IPCEF1: variants seen among roughly 807,000 people sequenced by gnomAD.
IPCEF1 encodes the protein interactor protein for cytohesin exchange factors 1.
A neutral mutation model predicts 50.9 loss-of-function variants in IPCEF1; 31 were observed. That is an observed-to-expected ratio of 0.61 (90% CI 0.46 to 0.82). IPCEF1 has a LOEUF of 0.82. Ranked by LOEUF, IPCEF1 falls within the 40% of genes least tolerant of loss-of-function variation. IPCEF1 has a pLI of 0.00. For synonymous variants in IPCEF1, 181 were observed against 192.0 expected, an observed-to-expected ratio of 0.94 and a Z score of 0.47; for missense variants, 458 against 514.0, an observed-to-expected ratio of 0.89 and a Z score of 1.05.
At chr6:154,244,103 C>T (rs1276005410) in intron 5 of IPCEF1, among the ~76,000 whole-genome samples, 3 of 152,066 alleles carry the variant, frequency 2.0e-5, no homozygotes, top group South Asian at 2.1e-4. Flanking sequence ...GCTTTGAGAG[C>T]GACTTTGTTG....
At chr6:154,284,289 A>G (rs1314370894) in intron 2 of IPCEF1, among the ~76,000 whole-genome samples, 2 of 152,246 alleles carry the variant, frequency 1.3e-5, no homozygotes, top group Non-Finnish European at 2.9e-5. Context: ...GGTAGAACAG[A>G]AGGAATTGTA....
Position 154,157,917 on chromosome 6 carries a change from C to A in IPCEF1, c.*1911G>T, listed in dbSNP as rs532935622. ...CAATCTGAGGATCTGAATGTTCTCT[C>A]TGTCAGGTCACCACAGGTCAAACTC... On this transcript the variant is annotated 3_prime_UTR_variant, in exon 12 of 12. Transcript: ENST00000367220. 1 of 152,432 alleles carries A rather than the reference C, an allele frequency of 6.6e-6. No individual in the cohort carries two copies. The highest frequency in any genetic ancestry group is 1.5e-5 in the Non-Finnish European group (1 of 68,058). 9.4% of individuals were successfully genotyped at this position (152,432 alleles called of 1,614,324 possible).
intron 1 of IPCEF1, among the ~76,000 whole-genome samples, chr6:154,322,404 C>A (rs916940380): frequency 7.1e-6 from 1 of 140,446 alleles, no homozygotes; most frequent in African/African-American, 2.9e-5. Flanking sequence ...ACACACACAC[C>A]CCTATGTTTG....
chr6:154,293,055 T>C (rs1178312395), intron 1 of IPCEF1, among the ~76,000 whole-genome samples: 1 of 152,242 alleles, frequency 6.6e-6, no homozygotes, highest in Non-Finnish European at 1.5e-5. Flanking sequence ...GTTTTTCTTA[T>C]TTACTTTTTG....
At chr6:154,336,007 A>G (rs1447263083) in intron 1 of IPCEF1, among the ~76,000 whole-genome samples, 1 of 152,244 alleles carries the variant, frequency 6.6e-6, no homozygotes, top group Non-Finnish European at 1.5e-5. Context: ...TATTATTTAA[A>G]AAACAAAAGT....
At chr6:154,338,178 C>T (rs911168400) in intron 1 of IPCEF1, among the ~76,000 whole-genome samples, 4 of 152,226 alleles carry the variant, frequency 2.6e-5, no homozygotes, top group Admixed American at 2.0e-4. Flanking sequence ...CAGCCTGGGT[C>T]ATCACATGGG....
chr6:154,280,954 C>T (rs1190298973), intron 2 of IPCEF1, among the ~76,000 whole-genome samples: 4 of 152,074 alleles, frequency 2.6e-5, no homozygotes, highest in Non-Finnish European at 5.9e-5. Flanking sequence ...AATCCCAACA[C>T]TTTGGGAGGC....
rs545858754 is a variant in IPCEF1, at chr6:154,236,179, T to C, written c.246+10412A>G. 6.6e-5 allele frequency among the ~76,000 whole-genome samples: 10 copies of C among 152,266 alleles called. No individual in the cohort carries two copies. The South Asian group carries it at 8.3e-4, about 13-fold the overall frequency. On this transcript the variant is annotated intron_variant, in intron 5 of 11. Transcript: ENST00000367220. Reference sequence around the variant, plus strand: ...AACAAATATGAGTCAATAAACAAAATGTGGTACACACATCAAGGGGATAAG... The same window carrying C: ...AACAAATATGAGTCAATAAACAAAACGTGGTACACACATCAAGGGGATAAG...
chr6:154,236,442 C>A (rs965785755), intron 5 of IPCEF1, among the ~76,000 whole-genome samples: 2 of 152,118 alleles, frequency 1.3e-5, no homozygotes, highest in Non-Finnish European at 2.9e-5. Context: ...CTCAGTTTTG[C>A]AAGACGAAAA....
intron 10 of IPCEF1, among the ~76,000 whole-genome samples, chr6:154,170,972 T>C (rs1389778466): frequency 6.6e-6 from 1 of 152,138 alleles, no homozygotes; most frequent in Non-Finnish European, 1.5e-5. Flanking sequence ...CTGGACTCAC[T>C]AGATTCTCCT....
intron 1 of IPCEF1, among the ~76,000 whole-genome samples, chr6:154,317,975 G>A (rs949479383): frequency 6.6e-5 from 10 of 152,236 alleles, no homozygotes; most frequent in Non-Finnish European, 1.3e-4. Context: ...ATTGTAATAT[G>A]TTCATAAGAC....
chr6:154,233,135 A>G (rs1779854612), intron 5 of IPCEF1, among the ~76,000 whole-genome samples: 1 of 152,000 alleles, frequency 6.6e-6, no homozygotes, highest in Non-Finnish European at 1.5e-5. Context: ...CGCCCAGCTA[A>G]TTTTTGTATT....
At chr6:154,182,673 G>A (rs1349871204) in intron 10 of IPCEF1, among the ~76,000 whole-genome samples, 1 of 152,140 alleles carries the variant, frequency 6.6e-6, no homozygotes, top group Admixed American at 6.6e-5. Context: ...TCAGTTGAAT[G>A]AGAACAAAAT....
intron 3 of IPCEF1, among the ~76,000 whole-genome samples, chr6:154,249,139 C>A (rs1781274895): frequency 6.6e-6 from 1 of 152,104 alleles, no homozygotes; most frequent in Non-Finnish European, 1.5e-5. Flanking sequence ...ATGTTATAAT[C>A]ATGGCATGTT....
chr6:154,275,731 C>G (rs61712260), intron 2 of IPCEF1, among the ~76,000 whole-genome samples: 4,456 of 152,136 alleles, frequency 0.029, 199 homozygotes, highest in African/African-American at 0.1. Context: ...AGCAGCTATA[C>G]CCCATACAGC....
chr6:154,159,913 G>A lies in IPCEF1; in HGVS notation c.1232C>T (p.Ala411Val), dbSNP rs116489715. The change falls in exon 12 of 12, where the codon GCT becomes GTT. Residue 411 changes from alanine to valine, a missense_variant. Physicochemically the swap from Ala to Val is moderately conservative, Grantham distance 64. Coordinates refer to ENST00000367220, the MANE Select transcript of IPCEF1 (RefSeq NM_001130700.2). Reference sequence around the variant, plus strand: ...ATCAGTGTCATCAGGGGCAGGCGAAGCCCGCTGCTGCTGATAGATGTCCTG... The same window carrying A: ...ATCAGTGTCATCAGGGGCAGGCGAAACCCGCTGCTGCTGATAGATGTCCTG... ...LIQDIYQQQR[A>V]SPAPDDTDDT... is the part of the protein sequence containing the mutation. 7.0e-4 allele frequency: 1,123 copies of A among 1,613,748 alleles called. 7 individuals carry two copies. The highest frequency in any genetic ancestry group is 5.2e-3 in the Middle Eastern group (31 of 5,974).
chr6:154,339,812 C>G (rs1330424594), intron 1 of IPCEF1, among the ~76,000 whole-genome samples: 1 of 151,872 alleles, frequency 6.6e-6, no homozygotes, highest in African/African-American at 2.4e-5. Context: ...AACCCAGGCT[C>G]GTCTGGAACA....
At chr6:154,184,023 A>T (rs568601401) in intron 10 of IPCEF1, among the ~76,000 whole-genome samples, 2 of 152,260 alleles carry the variant, frequency 1.3e-5, no homozygotes, top group East Asian at 3.9e-4. Context: ...AACTCTAGTC[A>T]CTATGCTGCA....
intron 1 of IPCEF1, among the ~76,000 whole-genome samples, chr6:154,326,843 C>A (rs1337758909): frequency 6.6e-6 from 1 of 152,180 alleles, no homozygotes; most frequent in African/African-American, 2.4e-5. Context: ...ACCAAAATGT[C>A]ATGGTACTGG....
Sources: gnomAD v4.1 joint callset for allele counts (sites outside exome capture counted in the v4.1 genomes callset) on GRCh38, gnomAD v4.1.1 for gene constraint, MANE v1.5 for transcripts, NCBI Gene and HGNC (gene_info 2026-07-23, HGNC 2026-07-21) for gene names.